NFAM1: variants seen among roughly 807,000 people sequenced by gnomAD.
The protein encoded by NFAM1 is NFAT activating protein with ITAM motif 1, also known as NFAT activation molecule 1.
In NFAM1, 17 loss-of-function variants were observed where a neutral mutation model predicts 29.0. That is an observed-to-expected ratio of 0.59 (90% CI 0.40 to 0.88). The LOEUF (loss-of-function observed/expected upper bound fraction) is 0.88, where lower values mean the gene tolerates loss of function less well. Among genes scored for constraint, NFAM1 ranks in the 40% least tolerant of loss-of-function variants. The pLI, the probability that NFAM1 is intolerant of heterozygous loss-of-function variation, is 0.00. For synonymous variants in NFAM1, 175 were observed against 147.2 expected, an observed-to-expected ratio of 1.19 and a Z score of -1.36; for missense variants, 324 against 344.6, an observed-to-expected ratio of 0.94 and a Z score of 0.47.
upstream of NFAM1, among the ~76,000 whole-genome samples, chr22:42,434,819 G>C (rs1601768999): frequency 6.6e-6 from 1 of 152,218 alleles, no homozygotes; most frequent in African/African-American, 2.4e-5. Flanking sequence ...CTTGGCAGCT[G>C]AATTTGCAGG....
Position 42,409,420 on chromosome 22 carries a change from G to T in NFAM1, c.564+15C>A. ...GGGTGGAGGGGCTGCATGGCTGTGA[G>T]CACTGATCCCGTACCTTGTTCCAGA... On this transcript the variant is annotated intron_variant, in intron 3 of 5. Coordinates refer to ENST00000329021, the MANE Select transcript of NFAM1 (RefSeq NM_145912.8). This position sits in a 1 kb window ranked among gnomAD's most constrained non-coding sequence, Gnocchi z 4.9. 1 of 1,357,296 alleles carries T rather than the reference G, an allele frequency of 7.4e-7. No homozygotes were observed. The highest frequency in any genetic ancestry group is 9.9e-7 in the Non-Finnish European group (1 of 1,005,142). The allele number at this position is 1,357,296 out of a possible 1,614,324, so 84.1% of individuals were successfully genotyped here.
At position 42,432,401 on chromosome 22, in the gene NFAM1, G is replaced by T; in HGVS notation, c.-44C>A. 6.7e-7 allele frequency: 1 copy of T among 1,499,762 alleles called. No individual in the cohort carries two copies. The allele number at this position is 1,499,762 out of a possible 1,614,324, so 92.9% of individuals were successfully genotyped here. On this transcript the variant is annotated 5_prime_UTR_variant, in exon 1 of 6. Coordinates refer to ENST00000329021, the MANE Select transcript of NFAM1 (RefSeq NM_145912.8). ...GCGGCGACTCTTTAGTTCACAGGAG[G>T]GGACGGCCGGCGCTGACAGCTTCCC...
chr22:42,423,867 T>A (rs934090531), intron 1 of NFAM1, among the ~76,000 whole-genome samples: 3 of 152,028 alleles, frequency 2.0e-5, no homozygotes, highest in Admixed American at 1.3e-4. Context: ...ATTACAGGCA[T>A]GTGCCACCAC....
chr22:42,397,165 G>A (rs1293340782), intron 4 of NFAM1, among the ~76,000 whole-genome samples: 1 of 152,110 alleles, frequency 6.6e-6, no homozygotes, highest in East Asian at 1.9e-4. Context: ...GCCCTCCCCG[G>A]CCCCAGCCGC....
At chr22:42,405,310 G>A (rs546518526) in intron 3 of NFAM1, among the ~76,000 whole-genome samples, 56 of 152,310 alleles carry the variant, frequency 3.7e-4, no homozygotes, top group African/African-American at 1.3e-3. Flanking sequence ...TACACAGAGG[G>A]CACTTGTGTG....
chr22:42,435,815 CTTTTTTTTTTTTTT>C (rs890914167), upstream of NFAM1, among the ~76,000 whole-genome samples: 1 of 94,260 alleles, frequency 1.1e-5, no homozygotes, highest in Non-Finnish European at 2.1e-5. Flanking sequence ...TTTTCTTCTT[CTTTTTTTTTTTTTT>C]TTTTTTTGAG....
chr22:42,403,081 C>T (rs1187385722), intron 3 of NFAM1, among the ~76,000 whole-genome samples: 1 of 151,680 alleles, frequency 6.6e-6, no homozygotes, highest in African/African-American at 2.4e-5. Context: ...CTTGTGACCA[C>T]CCACCTCGGA....
chr22:42,381,200 G>A lies in NFAM1; in HGVS notation c.*3961C>T, dbSNP rs41277487. 0.12 allele frequency: 17,792 copies of A among 152,758 alleles called. 1,320 individuals are homozygous for A. Among genetic ancestry groups the A allele is most frequent in the East Asian group, 0.23 (1,183 of 5,174 alleles). The allele number at this position is 152,758 out of a possible 1,614,324, so 9.5% of individuals were successfully genotyped here. A position where few individuals can be genotyped will look rare whatever the true frequency, so the allele number is the denominator to read the frequency against. ...CCTCCTAGCTTAGTTCTGGGCCCCC[G>A]CCTGCAAGCACACGTGGCAAGGAGG... is the stretch of plus-strand genomic sequence containing the variant. On this transcript the variant is annotated 3_prime_UTR_variant, in exon 6 of 6. Transcript: ENST00000329021.
chr22:42,386,894 C>T (rs1206511720), intron 5 of NFAM1, 95 bp downstream of exon 5: 2 of 669,518 alleles, frequency 3.0e-6, no homozygotes, highest in Non-Finnish European at 5.1e-6. Context: ...CAGCAGGTGG[C>T]TCACTTCCAT....
chr22:42,416,432 A>T (rs1930262392), intron 1 of NFAM1, among the ~76,000 whole-genome samples: 1 of 152,178 alleles, frequency 6.6e-6, no homozygotes, highest in Non-Finnish European at 1.5e-5. Context: ...CCAGGCTGGG[A>T]AGCTGTCATC....
At chr22:42,408,533 A>G (rs976389992) in intron 3 of NFAM1, among the ~76,000 whole-genome samples, 3 of 152,202 alleles carry the variant, frequency 2.0e-5, no homozygotes, top group African/African-American at 7.2e-5. Flanking sequence ...CTGACCCATC[A>G]GCTTTGCACC....
chr22:42,405,243 G>A (rs993514600), intron 3 of NFAM1, among the ~76,000 whole-genome samples: 1 of 152,180 alleles, frequency 6.6e-6, no homozygotes, highest in South Asian at 2.1e-4. Flanking sequence ...CAAATGGGGG[G>A]CTCAAGGTTA....
rs375597709 is a variant in NFAM1, at chr22:42,409,559, C to A, written c.452-12G>T. On this transcript the variant is annotated splice_polypyrimidine_tract_variant and intron_variant, in intron 2 of 5. Transcript: ENST00000329021. This position sits in a 1 kb window ranked among gnomAD's most constrained non-coding sequence, Gnocchi z 4.9. ...TCGGTACCCTGCGTCTAGGAGGAAG[C>A]GCAGGGGAGCAGAGGGGTCAGTGAC... 1 of 1,402,068 alleles carries A rather than the reference C, an allele frequency of 7.1e-7. No individual in the cohort carries two copies. The highest frequency in any genetic ancestry group is 2.6e-5 in the East Asian group (1 of 38,598). 86.9% of individuals were successfully genotyped at this position (1,402,068 alleles called of 1,614,324 possible). A position where few individuals can be genotyped will look rare whatever the true frequency, so the allele number is the denominator to read the frequency against.
At position 42,429,048 on chromosome 22, in the gene NFAM1, G is replaced by A. The variant is rs544729308; in HGVS notation, c.121+3189C>T. 1.1e-3 allele frequency among the ~76,000 whole-genome samples: 169 copies of A among 152,298 alleles called. 1 individual carries two copies. Among genetic ancestry groups the A allele is most frequent in the African/African-American group, 2.4e-3 (98 of 41,572 alleles). ...AAGCCAGAGGACAGGCCCAAGTCCC[G>A]GCTCAAGTGGGAGGAGGAGGATGGC... On this transcript the variant is annotated intron_variant, in intron 1 of 5. Coordinates refer to ENST00000329021, the MANE Select transcript of NFAM1 (RefSeq NM_145912.8).
intron 1 of NFAM1, among the ~76,000 whole-genome samples, chr22:42,414,826 C>T (rs1024089947): frequency 6.6e-6 from 1 of 152,086 alleles, no homozygotes; most frequent in Non-Finnish European, 1.5e-5. Flanking sequence ...TCCTGCTTGT[C>T]CTGGGCAGGA....
At chr22:42,408,412 A>AC (rs112372535) in intron 3 of NFAM1, among the ~76,000 whole-genome samples, 61 of 152,274 alleles carry the variant, frequency 4.0e-4, no homozygotes, top group African/African-American at 1.4e-3. Context: ...GCCAGTGTTC[A>AC]CGCCTCACAC....
intron 4 of NFAM1, among the ~76,000 whole-genome samples, chr22:42,393,498 TC>T (rs1276184767): frequency 6.6e-6 from 1 of 151,960 alleles, no homozygotes; most frequent in Non-Finnish European, 1.5e-5. Flanking sequence ...AACCTCCGCC[TC>T]CCAGGTTCAA....
intron 3 of NFAM1, among the ~76,000 whole-genome samples, chr22:42,399,153 A>C (rs1380213320): frequency 1.3e-5 from 2 of 152,174 alleles, no homozygotes; most frequent in Non-Finnish European, 2.9e-5. Flanking sequence ...GGAGAAGGTC[A>C]GCATAGGCCA....
chr22:42,423,416 C>T (rs1930514003), intron 1 of NFAM1, among the ~76,000 whole-genome samples: 1 of 152,116 alleles, frequency 6.6e-6, no homozygotes, highest in Admixed American at 6.6e-5. Context: ...CCTACCACCT[C>T]CCAGTAACAG....
Sources: gnomAD v4.1 joint callset for allele counts (sites outside exome capture counted in the v4.1 genomes callset) on GRCh38, gnomAD v4.1.1 for gene constraint, Gnocchi (gnomAD v3.1) non-coding constraint, MANE v1.5 for transcripts, NCBI Gene and HGNC (gene_info 2026-07-23, HGNC 2026-07-21) for gene names.